The following LSM3 variants were observed in gnomAD, a reference collection of about 807,000 sequenced individuals.
The protein encoded by LSM3 is LSM3 homolog, U6 small nuclear RNA and mRNA degradation associated, also known as U6 snRNA-associated Sm-like protein LSm3.
LSM3 carries 14 observed loss-of-function variants against 15.4 expected under a neutral mutation model. The observed-to-expected ratio is 0.91, with a 90% CI of 0.60 to 1.42. LSM3 has a LOEUF of 1.42. LSM3 is among the 40% of genes most tolerant of loss of function. The pLI, the probability that LSM3 is intolerant of heterozygous loss-of-function variation, is 0.00. For synonymous variants in LSM3, 46 were observed against 45.1 expected, an observed-to-expected ratio of 1.02 and a Z score of -0.08; for missense variants, 88 against 127.9, an observed-to-expected ratio of 0.69 and a Z score of 1.50.
At chr3:14,180,830 T>A in intron 1 of LSM3, among the ~76,000 whole-genome samples, 1 of 70,486 alleles carries the variant, frequency 1.4e-5, no homozygotes, top group African/African-American at 6.2e-5. Flanking sequence ...CCTTTTTTTT[T>A]TTTTTTTTTT....
chr3:14,196,561 A>T (rs1002359704), intron 3 of LSM3, among the ~76,000 whole-genome samples: 3 of 152,240 alleles, frequency 2.0e-5, no homozygotes, highest in Non-Finnish European at 4.4e-5. Context: ...GAGAAACATA[A>T]GACAGTTACT....
At chr3:14,185,553 AGTT>A (rs1486237501) in intron 3 of LSM3, among the ~76,000 whole-genome samples, 3 of 152,288 alleles carry the variant, frequency 2.0e-5, no homozygotes, top group East Asian at 3.9e-4. Flanking sequence ...ATCTATCATG[AGTT>A]GTTGTTGTAA....
chr3:14,181,712 C>G lies in LSM3; in HGVS notation c.132+42C>G, dbSNP rs779041702. On this transcript the variant is annotated intron_variant, in intron 2 of 3. Coordinates refer to ENST00000306024, the MANE Select transcript of LSM3 (RefSeq NM_014463.3). ...AGTTACCTTGAAATCAGATTCCTTC[C>G]TACCCCCACTCCCTTGAAATGTAAA... 3.7e-6 allele frequency: 5 copies of G among 1,342,744 alleles called. No individual in the cohort carries two copies. The Admixed American group carries it at 6.7e-5, about 18-fold the overall frequency. The allele number at this position is 1,342,744 out of a possible 1,614,324, so 83.2% of individuals were successfully genotyped here.
intron 3 of LSM3, among the ~76,000 whole-genome samples, chr3:14,193,038 C>G (rs746258726): frequency 5.3e-5 from 8 of 152,168 alleles, no homozygotes; most frequent in Non-Finnish European, 7.3e-5. Context: ...GCTTATGAAG[C>G]TTAGTTTGGC....
chr3:14,192,555 C>G (rs369522856), intron 3 of LSM3, among the ~76,000 whole-genome samples: 2 of 152,088 alleles, frequency 1.3e-5, no homozygotes, highest in Non-Finnish European at 2.9e-5. Context: ...TCTCTTTTGA[C>G]CTTTGTTGGT....
chr3:14,181,579 T>C lies in LSM3; in HGVS notation c.41T>C (p.Val14Ala), dbSNP rs1218264578. 6.2e-7 allele frequency: 1 copy of C among 1,612,812 alleles called. No homozygotes were observed. The highest frequency in any genetic ancestry group is 8.5e-7 in the Non-Finnish European group (1 of 1,178,794). Residue 14 changes from valine to alanine, a missense_variant, in exon 2 of 4, where the codon GTA (valine) becomes GCA (alanine). Transcript: ENST00000306024. Reference protein sequence around the residue: ...DVDQQQTTNTVEEPLDLIRLS... With the variant: ...DVDQQQTTNTAEEPLDLIRLS... ...TATCAGCAACAAACTACCAACACTG[T>C]AGAGGAGCCCCTGGATCTTATCAGG...
chr3:14,198,017 G>GTT lies in LSM3; in HGVS notation c.229-11_229-10dup. Reference sequence around the variant, plus strand: ...ATACACAGTTGTACAAATATGTTCTGTTTTTTTTTCTCTTCTAGTCAACGA... The same window carrying GTT: ...ATACACAGTTGTACAAATATGTTCTGTTTTTTTTTTTCTCTTCTAGTCAACGA... On this transcript the variant is annotated intron_variant, in intron 3 of 3. Transcript: ENST00000306024. 5.2e-6 allele frequency: 8 copies of GTT among 1,538,130 alleles called. No homozygotes were observed. Among genetic ancestry groups the GTT allele is most frequent in the Non-Finnish European group, 7.2e-6 (8 of 1,118,094 alleles).
chr3:14,181,313 T>A (rs1287754983), intron 1 of LSM3, among the ~76,000 whole-genome samples: 2 of 152,238 alleles, frequency 1.3e-5, no homozygotes, highest in African/African-American at 4.8e-5. Context: ...TAACTTCTCA[T>A]GTATGTGTGT....
chr3:14,193,193 T>G (rs1697156962), intron 3 of LSM3, among the ~76,000 whole-genome samples: 1 of 152,236 alleles, frequency 6.6e-6, no homozygotes, highest in Non-Finnish European at 1.5e-5. Flanking sequence ...GACCTTTCTG[T>G]CTGGCTGCCC....
At position 14,181,721 on chromosome 3, in the gene LSM3, C is replaced by G. The variant is rs1175105627; in HGVS notation, c.132+51C>G. On this transcript the variant is annotated intron_variant, in intron 2 of 3. Transcript: ENST00000306024. ...GAAATCAGATTCCTTCCTACCCCCACTCCCTTGAAATGTAAAACCTGTCCA... is the reference window on the plus strand; with the variant it reads ...GAAATCAGATTCCTTCCTACCCCCAGTCCCTTGAAATGTAAAACCTGTCCA... 3 of 1,314,628 alleles carry G rather than the reference C, an allele frequency of 2.3e-6. No homozygotes were observed. In the Admixed American group the frequency reaches 5.0e-5, roughly 22 times the overall value. 81.4% of individuals were successfully genotyped at this position (1,314,628 alleles called of 1,614,324 possible).
At chr3:14,179,436 C>T (rs1240744936) in intron 1 of LSM3, among the ~76,000 whole-genome samples, 1 of 152,142 alleles carries the variant, frequency 6.6e-6, no homozygotes, top group Non-Finnish European at 1.5e-5. Context: ...AACAGATGGT[C>T]CTAGAAGCTT....
chr3:14,187,450 T>C (rs1463776247), intron 3 of LSM3, among the ~76,000 whole-genome samples: 1 of 152,224 alleles, frequency 6.6e-6, no homozygotes, highest in Non-Finnish European at 1.5e-5. Flanking sequence ...AATTGAATCT[T>C]TGGATGACTG....
At chr3:14,193,215 T>A (rs1328493067) in intron 3 of LSM3, among the ~76,000 whole-genome samples, 1 of 152,244 alleles carries the variant, frequency 6.6e-6, no homozygotes, top group Non-Finnish European at 1.5e-5. Context: ...TAACGTTTTT[T>A]CCTTCATTTC....
At chr3:14,182,398 T>G (rs1234976832) in intron 2 of LSM3, among the ~76,000 whole-genome samples, 1 of 152,186 alleles carries the variant, frequency 6.6e-6, no homozygotes, top group Non-Finnish European at 1.5e-5. Context: ...AATTTTCGTT[T>G]ATTCTTTTTA....
At chr3:14,183,641 TAGATA>T (rs1336992015) in intron 2 of LSM3, among the ~76,000 whole-genome samples, 1 of 152,220 alleles carries the variant, frequency 6.6e-6, no homozygotes, top group Non-Finnish European at 1.5e-5. Context: ...GTGACTGCCT[TAGATA>T]ACAAGTGGGG....
chr3:14,192,634 A>C (rs1234967327), intron 3 of LSM3, among the ~76,000 whole-genome samples: 3 of 152,210 alleles, frequency 2.0e-5, no homozygotes, highest in African/African-American at 7.2e-5. Flanking sequence ...CACTTGGTAA[A>C]TATTCCTCCA....
rs765900133 is a variant in LSM3, at chr3:14,181,626, T to C, written c.88T>C (p.Tyr30His). ...CAGGCTCAGCCTAGATGAGCGAATT[T>C]ATGTGAAAATGAGAAATGACCGAGA... ...LIRLSLDERI[Y>H]VKMRNDRELR... The change falls in exon 2 of 4, where the codon TAT (tyrosine) becomes CAT (histidine). Residue 30 changes from tyrosine (Y) to histidine (H), a missense_variant. Coordinates refer to ENST00000306024, the MANE Select transcript of LSM3 (RefSeq NM_014463.3). 6.2e-7 allele frequency: 1 copy of C among 1,614,124 alleles called. No individual in the cohort carries two copies. The highest frequency in any genetic ancestry group is 1.1e-5 in the South Asian group (1 of 91,080).
Position 14,180,820 on chromosome 3 carries a change from CCTTTTTTT to C in LSM3, c.22-739_22-732del, listed in dbSNP as rs965725447. 3.9e-4 allele frequency among the ~76,000 whole-genome samples: 20 copies of C among 51,418 alleles called. 1 individual carries two copies. Among genetic ancestry groups the C allele is most frequent in the African/African-American group, 1.3e-3 (17 of 13,092 alleles). The allele number at this position is 51,418 out of a possible 152,430, so 33.7% of individuals were successfully genotyped here. The stretch of plus-strand genomic sequence containing the variant: ...TGACTCCAAAGCCAGTGCTTGCTTG[CCTTTTTTT>C]TTTTTTTTTTTTTTTTTTTTTTTTT... On this transcript the variant is annotated intron_variant, in intron 1 of 3. Transcript: ENST00000306024.
At chr3:14,197,125 C>A (rs920427195) in intron 3 of LSM3, among the ~76,000 whole-genome samples, 1 of 152,184 alleles carries the variant, frequency 6.6e-6, no homozygotes, top group African/African-American at 2.4e-5. Flanking sequence ...AGCCTTTTTT[C>A]ATACTTATTT....
Sources: gnomAD v4.1 joint callset for allele counts (sites outside exome capture counted in the v4.1 genomes callset) on GRCh38, gnomAD v4.1.1 for gene constraint, MANE v1.5 for transcripts, NCBI Gene and HGNC (gene_info 2026-07-23, HGNC 2026-07-21) for gene names.